CPT1C: variants seen among roughly 807,000 people sequenced by gnomAD.
CPT1C encodes the protein palmitoyl thioesterase CPT1C.
A neutral mutation model predicts 97.3 loss-of-function variants in CPT1C; 61 were observed. The observed-to-expected ratio is 0.63, with a 90% CI of 0.51 to 0.78. The LOEUF (loss-of-function observed/expected upper bound fraction) is 0.78, where lower values mean the gene tolerates loss of function less well. Among genes scored for constraint, CPT1C ranks in the 30% least tolerant of loss-of-function variants. The pLI is 0.00. For synonymous variants in CPT1C, 469 were observed against 447.2 expected (o/e 1.05, Z -0.61); for missense variants, 975 against 1,065.5 (o/e 0.92, Z 1.18).
At chr19:49,712,629 C>T in intron 17 of CPT1C, 107 bp from the exon 18 acceptor site, 1 of 803,266 alleles carries the variant, frequency 1.2e-6, no homozygotes, top group Non-Finnish European at 2.1e-6. Flanking sequence ...AGAAGGAGGC[C>T]CGGATTTACG....
chr19:49,710,653 GAGAT>G, intron 15 of CPT1C, 66 bp from the exon 16 acceptor site: 1 of 1,587,450 alleles, frequency 6.3e-7, no homozygotes, highest in African/African-American at 1.3e-5. Context: ...GGTCTGGACA[GAGAT>G]AGGTCAAGTC....
Position 49,701,421 on chromosome 19 carries a change from G to A in CPT1C, c.555+3G>A. 1 of 1,603,244 alleles carries A rather than the reference G, an allele frequency of 6.2e-7. No homozygotes were observed. The highest frequency in any genetic ancestry group is 1.1e-5 in the South Asian group (1 of 90,292). On this transcript the variant is annotated splice_donor_region_variant and intron_variant, in intron 6 of 19. Coordinates refer to ENST00000598293, the MANE Select transcript of CPT1C (RefSeq NM_001199753.2). The stretch of plus-strand genomic sequence containing the variant: ...CTGTGCAGGACACCGTGCGCAAGGT[G>A]GGCCTGGGAGCGCGCAGACGGGCTG...
Position 49,710,397 on chromosome 19 carries a change from C to T in CPT1C, c.1644C>T (p.Phe548=). ...ATGTCGACTGCCATGTCGTTCCATT[C>T]TCCCTATTTGGCAAGAGCTTCATCC... ...SENVDCHVVP[F]SLFGKSFIRR... The change falls in exon 15 of 20, where the codon TTC becomes TTT. Residue 548 remains phenylalanine (F), a synonymous_variant. Coordinates refer to ENST00000598293, the MANE Select transcript of CPT1C (RefSeq NM_001199753.2). The T allele has an allele frequency of 1.9e-6, 3 of 1,614,166 alleles. No homozygotes were observed. The highest frequency in any genetic ancestry group is 2.5e-6 in the Non-Finnish European group (3 of 1,180,030).
intron 7 of CPT1C, among the ~76,000 whole-genome samples, chr19:49,701,877 TAA>T (rs2083090521): frequency 1.8e-5 from 2 of 110,370 alleles, no homozygotes; most frequent in Non-Finnish European, 3.6e-5. Context: ...AGTGTATATA[TAA>T]ATATATATAT....
intron 5 of CPT1C, among the ~76,000 whole-genome samples, chr19:49,701,094 TCTCTCTGGGTCTCTGC>T (rs1441314952): frequency 2.1e-5 from 2 of 95,424 alleles, no homozygotes; most frequent in Non-Finnish European, 2.0e-5. Context: ...TACCCCCGAC[TCTCTCTGGGTCTCTGC>T]CCCCCTCTCT....
rs1427275955 is a variant in CPT1C at position 49,710,478 on chromosome 19, C to A, written c.1725C>A (p.His575Gln). Residue 575 changes from histidine (H) to glutamine (Q), a missense_variant, in exon 15 of 20, where the codon CAC (histidine) becomes CAA (glutamine). Physicochemically the swap from His to Gln is conservative, Grantham distance 24. This residue lies in a region of CPT1C where 344 missense variants were observed against 395.7 expected (regional missense o/e 0.87). Transcript: ENST00000598293. ...TCCAGATCGCCTTGCAACTGGCCCA[C>A]TTCCGGGTCAGTTGGGTTCCCCATC... The part of the protein sequence containing the change: ...SFIQIALQLA[H>Q]FRDRGQFCLT... The A allele has an allele frequency of 6.2e-7, 1 of 1,614,100 alleles. No individual in the cohort carries two copies. The highest frequency in any genetic ancestry group is 2.2e-5 in the East Asian group (1 of 44,898).
intron 14 of CPT1C, 31 bp from the exon 15 acceptor site, chr19:49,710,289 C>T: frequency 6.2e-7 from 1 of 1,609,694 alleles, no homozygotes; most frequent in South Asian, 1.1e-5. Flanking sequence ...TCTGTAACCC[C>T]AACTACTCCT....
At chr19:49,704,886 G>A (rs1334471739) in intron 8 of CPT1C, 99 bp downstream of exon 8, 6 of 1,414,520 alleles carry the variant, frequency 4.2e-6, no homozygotes, top group African/African-American at 4.2e-5. Context: ...GGATCTAGAC[G>A]CGCCATCTGG....
In CPT1C at chr19:49,713,452, C is replaced by A. The variant is rs138794903; in HGVS notation, c.2259C>A (p.Asp753Glu). The change falls in exon 20 of 20, where the codon GAC becomes GAA. Residue 753 changes from aspartate (D) to glutamate (E), a missense_variant. Transcript: ENST00000598293. Reference sequence around the variant, plus strand: ...ACAGGCTGGGGCAGCACATTGAGGACGCACTGCTGGATGTGGCCTCCCTGT... The same window carrying A: ...ACAGGCTGGGGCAGCACATTGAGGAAGCACTGCTGGATGTGGCCTCCCTGT... ...DSHRLGQHIEDALLDVASLFQ... is the reference protein window; with the variant it reads ...DSHRLGQHIEEALLDVASLFQ... The A allele has an allele frequency of 6.2e-7, 1 of 1,613,860 alleles. No individual in the cohort carries two copies. The highest frequency in any genetic ancestry group is 1.3e-5 in the African/African-American group (1 of 75,054).
At chr19:49,701,815 A>C (rs2083078960) in intron 7 of CPT1C, among the ~76,000 whole-genome samples, 181 bp downstream of exon 7, 1 of 130,142 alleles carries the variant, frequency 7.7e-6, no homozygotes, top group Non-Finnish European at 1.6e-5. Flanking sequence ...CTCCACATTT[A>C]TATATATATA....
chr19:49,713,486 G>C lies in CPT1C; in HGVS notation c.2293G>C (p.Gly765Arg). Residue 765 changes from glycine to arginine, a missense_variant, in exon 20 of 20, where the codon GGA (glycine) becomes CGA (arginine). By Grantham distance (125) the Gly-to-Arg change is moderately radical (BLOSUM62 -2). Transcript: ENST00000598293. Reference protein sequence around the residue: ...LLDVASLFQAGQHFKRRFRGS... With the variant: ...LLDVASLFQARQHFKRRFRGS... ...GGATGTGGCCTCCCTGTTCCAGGCG[G>C]GACAGCATTTTAAGCGCCGGTTCAG... 1 of 1,614,228 alleles carries C rather than the reference G, an allele frequency of 6.2e-7. No individual in the cohort carries two copies. The highest frequency in any genetic ancestry group is 2.2e-5 in the East Asian group (1 of 44,878).
chr19:49,701,582 C>T lies in CPT1C; in HGVS notation c.641C>T (p.Ala214Val), dbSNP rs1256758705. 5 of 1,612,472 alleles carry T rather than the reference C, an allele frequency of 3.1e-6. No homozygotes were observed. The highest frequency in any genetic ancestry group is 4.2e-6 in the Non-Finnish European group (5 of 1,179,168). Reference protein sequence around the residue: ...VLAQEFLRLQASLLQWYLRLK... With the variant: ...VLAQEFLRLQVSLLQWYLRLK... ...GCGCAGGAATTCCTGAGGCTGCAGGCGTCGCTGCTGCAGTGGTACCTGCGG... is the reference window on the plus strand; with the variant it reads ...GCGCAGGAATTCCTGAGGCTGCAGGTGTCGCTGCTGCAGTGGTACCTGCGG... The change falls in exon 7 of 20, where the codon GCG (alanine) becomes GTG (valine). Residue 214 changes from alanine to valine, a missense_variant. Coordinates refer to ENST00000598293, the MANE Select transcript of CPT1C (RefSeq NM_001199753.2).
chr19:49,702,970 C>T (rs1471014366), intron 7 of CPT1C, among the ~76,000 whole-genome samples: 3 of 152,084 alleles, frequency 2.0e-5, no homozygotes, highest in East Asian at 3.8e-4. Context: ...TGGTCAAACC[C>T]AGCGAAGGGG....
Position 49,705,079 on chromosome 19 carries a change from TACCGCCACCGCCTGA to T in CPT1C, c.852_866del (p.His284_Arg288del). 6.2e-7 allele frequency: 1 copy of T among 1,613,856 alleles called. No individual in the cohort carries two copies. Among genetic ancestry groups the T allele is most frequent in the Non-Finnish European group, 8.5e-7 (1 of 1,179,938 alleles). ...GAATGCCGTCCATGCCCTCCTCCTG[TACCGCCACCGCCTGA>T]ACCGCCAGGAGATACCCCCGGTGAG... On this transcript the variant is annotated inframe_deletion, in exon 9 of 20. Coordinates refer to ENST00000598293, the MANE Select transcript of CPT1C (RefSeq NM_001199753.2).
Position 49,708,817 on chromosome 19 carries a change from TGC to T in CPT1C, c.1545_1546del (p.Gln516MetfsTer23). 1 of 1,613,164 alleles carries T rather than the reference TGC, an allele frequency of 6.2e-7. No individual in the cohort carries two copies. Among genetic ancestry groups the T allele is most frequent in the Non-Finnish European group, 8.5e-7 (1 of 1,179,374 alleles). On this transcript the variant is annotated frameshift_variant, in exon 14 of 20. Coordinates refer to ENST00000598293, the MANE Select transcript of CPT1C (RefSeq NM_001199753.2). LOFTEE classifies it high-confidence loss of function. ...CCCACACTACCCCAGCCCCAGCGGC[TGC>T]AATGGGACCTTCCAGACCAGGTGAG...
intron 7 of CPT1C, among the ~76,000 whole-genome samples, chr19:49,703,586 TCCCTCCCTC>T (rs2083325574): frequency 2.3e-5 from 1 of 42,874 alleles, no homozygotes; most frequent in Admixed American, 3.6e-4. Context: ...CCTCCCTCCC[TCCCTCCCTC>T]CCTTCCTTCC....
At chr19:49,708,326 C>T (rs1227265212) in intron 13 of CPT1C, among the ~76,000 whole-genome samples, 7 of 151,166 alleles carry the variant, frequency 4.6e-5, no homozygotes, top group African/African-American at 1.2e-4. Context: ...CTACAAAAAA[C>T]GTTAAAAAAA....
Position 49,697,318 on chromosome 19 carries a change from C to T in CPT1C, c.142-8C>T, listed in dbSNP as rs761461297. On this transcript the variant is annotated splice_polypyrimidine_tract_variant and splice_region_variant and intron_variant, in intron 3 of 19. Coordinates refer to ENST00000598293, the MANE Select transcript of CPT1C (RefSeq NM_001199753.2). ...GATGATTCAATGGATGCCCTTTCCT[C>T]CCCACAGAATGACTTTCTCACCGGT... The T allele has an allele frequency of 5.6e-6, 9 of 1,613,864 alleles. No homozygotes were observed. In the Admixed American group the frequency reaches 1.2e-4, roughly 21 times the overall value.
At chr19:49,695,531 C>A (rs1273616134) in intron 3 of CPT1C, among the ~76,000 whole-genome samples, 1 of 151,136 alleles carries the variant, frequency 6.6e-6, no homozygotes, top group African/African-American at 2.4e-5. Flanking sequence ...GTGATCCACC[C>A]GCCTTGGCCT....
Sources: allele counts gnomAD v4.1 joint callset (sites outside exome capture counted in the v4.1 genomes callset), GRCh38; gene constraint gnomAD v4.1.1; regional missense constraint gnomAD v4.1.1; transcripts MANE v1.5; gene names NCBI Gene and HGNC (gene_info 2026-07-23, HGNC 2026-07-21).